The following SPTBN4 variants were observed in gnomAD, a reference collection of about 807,000 sequenced individuals.
SPTBN4 encodes spectrin beta chain, non-erythrocytic 4.
A neutral mutation model predicts 277.8 loss-of-function variants in SPTBN4; 96 were observed. That is an observed-to-expected ratio of 0.35 (90% CI 0.29 to 0.41). SPTBN4 has a LOEUF of 0.41. Among genes scored for constraint, SPTBN4 ranks in the 10% least tolerant of loss-of-function variants. The pLI is 1.00. For missense variants in SPTBN4, 3,006 were observed against 3,595.7 expected, an observed-to-expected ratio of 0.84 and a Z score of 4.19; for synonymous variants, 1,481 against 1,580.3, an observed-to-expected ratio of 0.94 and a Z score of 1.49.
rs755134521 is a variant in SPTBN4 at position 40,513,451 on chromosome 19, G to A, written c.2662G>A (p.Gly888Ser). 27 of 1,604,100 alleles carry A rather than the reference G, an allele frequency of 1.7e-5. No homozygotes were observed. In the South Asian group the frequency reaches 3.0e-4, roughly 18 times the overall value. The change falls in exon 14 of 36, where the codon GGC (glycine) becomes AGC (serine). Residue 888 changes from glycine to serine, a missense_variant. By Grantham distance (56) the Gly-to-Ser change is moderately conservative. Around this residue, in one of 5 missense-constraint regions of SPTBN4, gnomAD observed 1,759 missense variants for 2,061.5 expected, o/e 0.85. Transcript: ENST00000598249. ...CGCGCTCGCTGTCTACCGCATGTTT[G>A]GCGAGGTGCACGCGTGTGAGCTGTG... ...RDALAVYRMF[G>S]EVHACELWIG...
In SPTBN4 at chr19:40,570,536, A is replaced by G; in HGVS notation, c.7127A>G (p.Asp2376Gly). The G allele has an allele frequency of 7.1e-7, 1 of 1,410,712 alleles. No homozygotes were observed. The highest frequency in any genetic ancestry group is 9.2e-7 in the Non-Finnish European group (1 of 1,086,724). 87.4% of individuals were successfully genotyped at this position (1,410,712 alleles called of 1,614,324 possible). Residue 2376 changes from aspartate to glycine, a missense_variant, in exon 33 of 36, where the codon GAC (aspartate) becomes GGC (glycine). By Grantham distance (94) the Asp-to-Gly change is moderately conservative (BLOSUM62 -1). This residue lies in a region of SPTBN4 where 630 missense variants were observed against 677.6 expected (regional missense o/e 0.93). Transcript: ENST00000598249. ...TPRPDRPRARDRPKPRRRPRP... is the reference protein window; with the variant it reads ...TPRPDRPRARGRPKPRRRPRP... ...CGGCCGGACCGGCCCCGGGCGCGGG[A>G]CCGGCCCAAGCCGCGACGGCGGCCG... is the stretch of plus-strand genomic sequence containing the variant.
chr19:40,497,490 C>A lies in SPTBN4; in HGVS notation c.670C>A (p.Pro224Thr). Residue 224 changes from proline to threonine, a missense_variant and splice_region_variant, in exon 7 of 36, where the codon CCT (proline) becomes ACT (threonine). Coordinates refer to ENST00000598249, the MANE Select transcript of SPTBN4 (RefSeq NM_020971.3). ...TGCCTGCTCTGTGCCCCTGCCCAGGCCTGATCTCGTGGACTTCAGCAAACT... is the reference window on the plus strand; with the variant it reads ...TGCCTGCTCTGTGCCCCTGCCCAGGACTGATCTCGTGGACTTCAGCAAACT... ...AFNALIHRHR[P>T]DLVDFSKLTK... The A allele has an allele frequency of 6.2e-7, 1 of 1,613,204 alleles. No individual in the cohort carries two copies. Among genetic ancestry groups the A allele is most frequent in the African/African-American group, 1.3e-5 (1 of 75,034 alleles).
chr19:40,570,362 C>A, intron 32 of SPTBN4, 74 bp from the exon 33 acceptor site: 1 of 1,009,762 alleles, frequency 9.9e-7, no homozygotes. Context: ...ACCCCAGACC[C>A]ATGACTCCCC....
chr19:40,519,034 T>C lies in SPTBN4; in HGVS notation c.2904-367T>C, dbSNP rs537911871. 6.6e-6 allele frequency among the ~76,000 whole-genome samples: 1 copy of C among 152,318 alleles called. No individual in the cohort carries two copies. Among genetic ancestry groups the C allele is most frequent in the East Asian group, 1.9e-4 (1 of 5,194 alleles). On this transcript the variant is annotated intron_variant, in intron 15 of 35. Transcript: ENST00000598249. The surrounding 1 kb of genome is among the most constrained non-coding windows in gnomAD (Gnocchi z 5.7). Reference sequence around the variant, plus strand: ...CGTACCTTTGCAAATCTCTTTAAAGTCTGGTTTAAGAGATGGCAGCTGGGC... The same window carrying C: ...CGTACCTTTGCAAATCTCTTTAAAGCCTGGTTTAAGAGATGGCAGCTGGGC...
chr19:40,467,625 G>T lies in SPTBN4; in HGVS notation c.-16+320G>T, dbSNP rs537424466. On this transcript the variant is annotated intron_variant, in intron 1 of 35. Transcript: ENST00000598249. ...GCCCAGCGCCCCACCAGCCTTTGCG[G>T]GGGGGGGGGGGTGTTGGGGGGAGGC... 4.8e-5 allele frequency among the ~76,000 whole-genome samples: 3 copies of T among 62,696 alleles called. No individual in the cohort carries two copies. In the East Asian group the frequency reaches 9.2e-4, roughly 19 times the overall value. The allele number at this position is 62,696 out of a possible 152,430, so 41.1% of individuals were successfully genotyped here.
intron 2 of SPTBN4, among the ~76,000 whole-genome samples, chr19:40,478,374 C>T (rs1222355108): frequency 6.6e-6 from 1 of 150,606 alleles, no homozygotes; most frequent in Non-Finnish European, 1.5e-5. Context: ...CCTGTATGCA[C>T]AAAACTTTAA....
chr19:40,572,126 G>A lies in SPTBN4; in HGVS notation c.7427G>A (p.Ser2476Asn). ...GSTHGGEPLL[S>N]LHKATSEVAS... ...ACACACGGTGGGGAACCGCTGCTCAGCCTGCACAAGGCCACCAGCGAGGTG... is the reference window on the plus strand; with the variant it reads ...ACACACGGTGGGGAACCGCTGCTCAACCTGCACAAGGCCACCAGCGAGGTG... The change falls in exon 34 of 36, where the codon AGC (serine) becomes AAC (asparagine). Residue 2476 changes from serine (S) to asparagine (N), a missense_variant. Ser to Asn is a conservative substitution (Grantham distance 46). Around this residue, in one of 5 missense-constraint regions of SPTBN4, gnomAD observed 630 missense variants for 677.6 expected, o/e 0.93. Coordinates refer to ENST00000598249, the MANE Select transcript of SPTBN4 (RefSeq NM_020971.3). 1.2e-6 allele frequency: 2 copies of A among 1,612,354 alleles called. No individual in the cohort carries two copies. Among genetic ancestry groups the A allele is most frequent in the Non-Finnish European group, 1.7e-6 (2 of 1,179,094 alleles).
chr19:40,489,820 A>T (rs1334644586), intron 3 of SPTBN4, among the ~76,000 whole-genome samples: 2 of 152,152 alleles, frequency 1.3e-5, no homozygotes. Flanking sequence ...GCGCCCGTGG[A>T]AGGGGCAGAG....
chr19:40,473,344 C>A (rs1322290803), intron 2 of SPTBN4, among the ~76,000 whole-genome samples: 1 of 146,570 alleles, frequency 6.8e-6, no homozygotes, highest in Non-Finnish European at 1.5e-5. Context: ...GCCACTGCAC[C>A]TGGCCTGGTG....
chr19:40,567,958 C>A lies in SPTBN4; in HGVS notation c.6632C>A (p.Pro2211Gln). The change falls in exon 31 of 36, where the codon CCA becomes CAA. Residue 2211 changes from proline to glutamine, a missense_variant. Physicochemically the swap from Pro to Gln is moderately conservative, Grantham distance 76. Around this residue, in one of 5 missense-constraint regions of SPTBN4, gnomAD observed 630 missense variants for 677.6 expected, o/e 0.93. Coordinates refer to ENST00000598249, the MANE Select transcript of SPTBN4 (RefSeq NM_020971.3). ...GAGCCCGCGGCCCTGCCGGCCGCAC[C>A]AGAGGACGCGGCGGAGACCCCCGCG... ...RVEPAALPAA[P>Q]EDAAETPATP... 2.0e-6 allele frequency: 3 copies of A among 1,506,124 alleles called. No individual in the cohort carries two copies. The highest frequency in any genetic ancestry group is 2.5e-5 in the South Asian group (2 of 79,052). 93.3% of individuals were successfully genotyped at this position (1,506,124 alleles called of 1,614,324 possible).
intron 17 of SPTBN4, among the ~76,000 whole-genome samples, chr19:40,525,259 A>G (rs1211057915): frequency 1.3e-5 from 2 of 151,594 alleles, no homozygotes; most frequent in East Asian, 3.9e-4. Context: ...GTTCTTGAGG[A>G]TGCAAACTCA....
intron 6 of SPTBN4, 82 bp downstream of exon 6, chr19:40,495,059 G>A (rs2080180848): frequency 3.0e-6 from 4 of 1,329,404 alleles, no homozygotes; most frequent in Admixed American, 1.8e-5. Flanking sequence ...ATGTACTTGT[G>A]TAGATGGCAC....
At chr19:40,524,208 G>T (rs2080562789) in intron 17 of SPTBN4, among the ~76,000 whole-genome samples, 1 of 152,098 alleles carries the variant, frequency 6.6e-6, no homozygotes, top group Admixed American at 6.6e-5. Flanking sequence ...AGCTGGTCCT[G>T]TTGTTAAAAT....
rs137969682 is a variant in SPTBN4 at position 40,493,199 on chromosome 19, A to C, written c.587+145A>C. 543 of 643,968 alleles carry C rather than the reference A, an allele frequency of 8.4e-4. 5 individuals are homozygous for C. In the African/African-American group the frequency reaches 9.0e-3, roughly 11 times the overall value. The allele number at this position is 643,968 out of a possible 1,614,324, so 39.9% of individuals were successfully genotyped here. On this transcript the variant is annotated intron_variant, in intron 5 of 35. Coordinates refer to ENST00000598249, the MANE Select transcript of SPTBN4 (RefSeq NM_020971.3). Reference sequence around the variant, plus strand: ...TGAAACTAACCAGCTGGTAAATAAAATATGTCCACTTCTCCAGCCTTGACT... The same window carrying C: ...TGAAACTAACCAGCTGGTAAATAAACTATGTCCACTTCTCCAGCCTTGACT...
intron 13 of SPTBN4, 109 bp from the exon 14 acceptor site, chr19:40,512,497 G>A (rs2080401659): frequency 1.1e-5 from 15 of 1,340,194 alleles, no homozygotes; most frequent in African/African-American, 1.6e-5. Flanking sequence ...CACGTGACCC[G>A]GCATCTGATG....
At position 40,525,522 on chromosome 19, in the gene SPTBN4, G is replaced by A. The variant is rs191850065; in HGVS notation, c.3857+1883G>A. On this transcript the variant is annotated intron_variant, in intron 17 of 35. Coordinates refer to ENST00000598249, the MANE Select transcript of SPTBN4 (RefSeq NM_020971.3). ...TTCTTGAGCACCTGCTGCATGCCAG[G>A]CTCAGCAAAACGAGGAGGAGGAGCC... 9.8e-4 allele frequency among the ~76,000 whole-genome samples: 149 copies of A among 152,144 alleles called. 1 individual carries two copies. Among genetic ancestry groups the A allele is most frequent in the African/African-American group, 3.5e-3 (144 of 41,508 alleles).
chr19:40,545,427 A>G (rs1429794982), intron 20 of SPTBN4, among the ~76,000 whole-genome samples: 1 of 152,046 alleles, frequency 6.6e-6, no homozygotes, highest in Non-Finnish European at 1.5e-5. Context: ...ATTACTAGAA[A>G]TGCAAGTGCT....
intron 7 of SPTBN4, 99 bp from the exon 8 acceptor site, chr19:40,501,822 C>T (rs2080265748): frequency 2.1e-6 from 2 of 958,532 alleles, no homozygotes; most frequent in Non-Finnish European, 3.3e-6. Flanking sequence ...CAAGGTCACA[C>T]AGCTAGTGAG....
chr19:40,542,303 C>G (rs1222020153), intron 20 of SPTBN4, among the ~76,000 whole-genome samples: 3 of 152,160 alleles, frequency 2.0e-5, no homozygotes. Flanking sequence ...CTCCCTCATC[C>G]CGTACCACAC....
Sources: gnomAD v4.1 joint callset for allele counts (sites outside exome capture counted in the v4.1 genomes callset) on GRCh38, gnomAD v4.1.1 for gene constraint, gnomAD v4.1.1 regional missense constraint, Gnocchi (gnomAD v3.1) non-coding constraint, MANE v1.5 for transcripts, NCBI Gene and HGNC (gene_info 2026-07-23, HGNC 2026-07-21) for gene names.